ZFAND3: variants seen among roughly 807,000 people sequenced by gnomAD.
The protein encoded by ZFAND3 is zinc finger AN1-type containing 3.
Under a neutral mutation model 29.6 loss-of-function variants are expected in ZFAND3, and 10 were observed. The observed-to-expected ratio is 0.34, with a 90% CI of 0.21 to 0.57. ZFAND3 has a LOEUF of 0.57. Ranked by LOEUF, ZFAND3 falls within the 20% of genes least tolerant of loss-of-function variation. The pLI, the probability that ZFAND3 is intolerant of heterozygous loss-of-function variation, is 0.86. For synonymous variants in ZFAND3, 128 were observed against 112.6 expected (o/e 1.14, Z -0.87); for missense variants, 230 against 304.5 (o/e 0.76, Z 1.82).
chr6:37,958,957 G>A (rs1041236879), intron 2 of ZFAND3, among the ~76,000 whole-genome samples: 1 of 152,200 alleles, frequency 6.6e-6, no homozygotes, highest in African/African-American at 2.4e-5. Context: ...AAGGGCTTTA[G>A]GAACCAAATT....
At chr6:37,993,393 C>T (rs1224604291) in intron 2 of ZFAND3, among the ~76,000 whole-genome samples, 3 of 151,742 alleles carry the variant, frequency 2.0e-5, no homozygotes, top group Non-Finnish European at 4.4e-5. Flanking sequence ...GTGGCGTGAT[C>T]TCAGCTCACT....
At chr6:37,859,232 A>G (rs1764437257) in intron 1 of ZFAND3, among the ~76,000 whole-genome samples, 1 of 152,222 alleles carries the variant, frequency 6.6e-6, no homozygotes, top group Non-Finnish European at 1.5e-5. Context: ...ATGTTAATGT[A>G]TATACTAGTA....
intron 1 of ZFAND3, among the ~76,000 whole-genome samples, chr6:37,864,662 T>C (rs1336949837): frequency 2.6e-5 from 4 of 152,054 alleles, no homozygotes; most frequent in Non-Finnish European, 1.5e-5. Flanking sequence ...TATGTATGTG[T>C]GTGGGTGTAT....
chr6:38,023,966 C>CT (rs569995929), intron 2 of ZFAND3, among the ~76,000 whole-genome samples: 12 of 151,938 alleles, frequency 7.9e-5, no homozygotes, highest in Non-Finnish European at 1.0e-4. Flanking sequence ...CTGTAGGGCA[C>CT]TAAGATTGAG....
At chr6:38,024,258 G>A (rs543827061) in intron 2 of ZFAND3, among the ~76,000 whole-genome samples, 3 of 151,976 alleles carry the variant, frequency 2.0e-5, no homozygotes, top group African/African-American at 7.2e-5. Context: ...AGATCATGAG[G>A]TCAGGAGATC....
At position 38,013,005 on chromosome 6, in the gene ZFAND3, T is replaced by A. The variant is rs183683510; in HGVS notation, c.113-48588T>A. Among the ~76,000 whole-genome samples, 221 of 152,316 alleles carry A rather than the reference T, an allele frequency of 1.5e-3. 2 individuals carry two copies. The highest frequency in any genetic ancestry group is 2.8e-3 in the Non-Finnish European group (189 of 68,026). On this transcript the variant is annotated intron_variant, in intron 2 of 5. Transcript: ENST00000287218. ...TTTGGGTACTAGGATTATGGATGAT[T>A]TTATTTTCATAATTATACTTGAGTG...
chr6:37,827,611 A>G (rs1398844386), intron 1 of ZFAND3, among the ~76,000 whole-genome samples: 3 of 152,244 alleles, frequency 2.0e-5, no homozygotes, highest in Non-Finnish European at 4.4e-5. Flanking sequence ...GACAAAACCA[A>G]ACTGATCTGT....
intron 2 of ZFAND3, among the ~76,000 whole-genome samples, chr6:37,996,418 T>C (rs1364518346): frequency 1.3e-5 from 2 of 152,236 alleles, no homozygotes; most frequent in Admixed American, 6.5e-5. Context: ...TAAATGAGGA[T>C]GCACAGAGAT....
chr6:37,866,556 C>T (rs1764594087), intron 1 of ZFAND3, among the ~76,000 whole-genome samples: 1 of 152,162 alleles, frequency 6.6e-6, no homozygotes, highest in African/African-American at 2.4e-5. Flanking sequence ...AAAATATTGG[C>T]TTATCCAGAA....
intron 1 of ZFAND3, among the ~76,000 whole-genome samples, chr6:37,853,149 A>G (rs1030755715): frequency 2.0e-5 from 3 of 152,078 alleles, no homozygotes; most frequent in Admixed American, 6.6e-5. Context: ...ATTAATAGTA[A>G]TGTATGTGGA....
At chr6:38,121,594 A>G (rs985653497) in intron 5 of ZFAND3, among the ~76,000 whole-genome samples, 12 of 152,150 alleles carry the variant, frequency 7.9e-5, no homozygotes, top group African/African-American at 2.4e-4. Context: ...CCCCTCACCT[A>G]TTTTTTAGTA....
At chr6:38,090,016 G>C (rs1158173902) in intron 4 of ZFAND3, among the ~76,000 whole-genome samples, 1 of 152,080 alleles carries the variant, frequency 6.6e-6, no homozygotes, top group Admixed American at 6.5e-5. Flanking sequence ...ACCACACCTG[G>C]CTAATTTTGT....
intron 1 of ZFAND3, among the ~76,000 whole-genome samples, chr6:37,920,094 A>G (rs1487127654): frequency 1.0e-5 from 1 of 97,692 alleles, no homozygotes; most frequent in Non-Finnish European, 2.0e-5. Flanking sequence ...AGTATTTAGT[A>G]TAAAATAATT....
intron 1 of ZFAND3, among the ~76,000 whole-genome samples, chr6:37,836,897 C>T (rs1308702355): frequency 6.6e-6 from 1 of 152,182 alleles, no homozygotes; most frequent in Non-Finnish European, 1.5e-5. Flanking sequence ...ATAGACCTAA[C>T]CATCTCTCTC....
At chr6:38,107,169 T>G (rs1040837677) in intron 4 of ZFAND3, among the ~76,000 whole-genome samples, 2 of 152,118 alleles carry the variant, frequency 1.3e-5, no homozygotes, top group Non-Finnish European at 1.5e-5. Flanking sequence ...GAAGAATGAC[T>G]TGTGTGGCCT....
intron 5 of ZFAND3, among the ~76,000 whole-genome samples, chr6:38,146,324 T>A (rs1766107387): frequency 1.3e-5 from 2 of 152,178 alleles, no homozygotes; most frequent in African/African-American, 4.8e-5. Context: ...TCTCTTCCCA[T>A]GCCCAGGGCA....
chr6:38,086,740 C>T (rs1257060268), intron 4 of ZFAND3, among the ~76,000 whole-genome samples: 1 of 152,118 alleles, frequency 6.6e-6, no homozygotes, highest in Non-Finnish European at 1.5e-5. Context: ...ATTTAGCTGG[C>T]TATCTTCATG....
chr6:38,092,388 A>G (rs1764891037), intron 4 of ZFAND3, among the ~76,000 whole-genome samples: 2 of 152,246 alleles, frequency 1.3e-5, no homozygotes, highest in South Asian at 4.1e-4. Flanking sequence ...AAGTACAGAA[A>G]CAAGTACAAC....
At chr6:37,859,900 T>C (rs1228327051) in intron 1 of ZFAND3, among the ~76,000 whole-genome samples, 5 of 146,392 alleles carry the variant, frequency 3.4e-5, no homozygotes, top group Middle Eastern at 3.5e-3. Context: ...AGATAGACTC[T>C]TGCTCTTGTC....
Sources: gnomAD v4.1 joint callset for allele counts (sites outside exome capture counted in the v4.1 genomes callset) on GRCh38, gnomAD v4.1.1 for gene constraint, MANE v1.5 for transcripts, NCBI Gene and HGNC (gene_info 2026-07-23, HGNC 2026-07-21) for gene names.